ZNF480: variants seen among roughly 807,000 people sequenced by gnomAD.
The protein encoded by ZNF480 is zinc finger protein 480.
In ZNF480, 15 loss-of-function variants were observed where a neutral mutation model predicts 14.4. The ratio of observed to expected loss-of-function variants is 1.04; its 90% CI spans 0.70 to 1.60. ZNF480 has a LOEUF of 1.60. Ranked by LOEUF, ZNF480 falls within the 40% of genes most tolerant of loss-of-function variation. The probability of loss-of-function intolerance (pLI) is 0.00; values close to 1 mark genes in which losing one functional copy is unlikely to be tolerated. For missense variants in ZNF480, 593 were observed against 629.7 expected (o/e 0.94, Z 0.62); for synonymous variants, 218 against 215.5 (o/e 1.01, Z -0.10).
At chr19:52,303,150 G>T (rs1333240935) in intron 2 of ZNF480, among the ~76,000 whole-genome samples, 1 of 152,178 alleles carries the variant, frequency 6.6e-6, no homozygotes, top group Non-Finnish European at 1.5e-5. Context: ...TACAAGCTCC[G>T]ATTTTTGAGC....
chr19:52,297,302 C>A, intron 1 of ZNF480, 79 bp downstream of exon 1: 2 of 425,144 alleles, frequency 4.7e-6, no homozygotes, highest in South Asian at 3.3e-5. Context: ...AGGGGCCACA[C>A]AGACCTTGAA....
chr19:52,314,230 T>G lies in ZNF480; in HGVS notation c.150T>G (p.Ala50=), dbSNP rs150579838. The G allele has an allele frequency of 6.3e-7, 1 of 1,582,878 alleles. No individual in the cohort carries two copies. Among genetic ancestry groups the G allele is most frequent in the Non-Finnish European group, 8.6e-7 (1 of 1,160,404 alleles). ...AATGCCTGGACCCTGCACAGAGGGC[T>G]TTATACAAGGATGTGATGTTGGAGA... ...EWKCLDPAQR[A]LYKDVMLENY... is the part of the protein sequence containing the mutation. Residue 50 remains alanine (A), a synonymous_variant, in exon 3 of 5, where the codon GCT becomes GCG. Transcript: ENST00000595962.
In ZNF480 at chr19:52,324,764, G is replaced by A. The variant is rs141654382; in HGVS notation, c.*1906G>A. ...TTGAAACTGGACCCCTATCCTTCAC[G>A]ATATACAAAAATCAACTCAAGATGG... On this transcript the variant is annotated 3_prime_UTR_variant, in exon 5 of 5. Coordinates refer to ENST00000595962, the MANE Select transcript of ZNF480 (RefSeq NM_144684.4). 1 of 151,904 alleles carries A rather than the reference G, an allele frequency of 6.6e-6. No individual in the cohort carries two copies. The highest frequency in any genetic ancestry group is 2.1e-4 in the South Asian group (1 of 4,822). The allele number at this position is 151,904 out of a possible 1,614,324, so 9.4% of individuals were successfully genotyped here.
At position 52,314,286 on chromosome 19, in the gene ZNF480, A is replaced by G. The variant is rs779443199; in HGVS notation, c.199+7A>G. On this transcript the variant is annotated splice_region_variant and intron_variant, in intron 3 of 4. Transcript: ENST00000595962. ...AGGAACCTGGTCTCCCTGGGTGAGG[A>G]TCATGCCCCTGCAGAAGCCGGGATC... The G allele has an allele frequency of 6.5e-7, 1 of 1,532,634 alleles. No homozygotes were observed. Among genetic ancestry groups the G allele is most frequent in the Non-Finnish European group, 8.8e-7 (1 of 1,134,006 alleles). The allele number at this position is 1,532,634 out of a possible 1,614,324, so 94.9% of individuals were successfully genotyped here.
chr19:52,325,910 G>A lies in ZNF480; in HGVS notation c.*3052G>A, dbSNP rs1162200431. On this transcript the variant is annotated 3_prime_UTR_variant, in exon 5 of 5. Coordinates refer to ENST00000595962, the MANE Select transcript of ZNF480 (RefSeq NM_144684.4). ...ACTCCTTGAACCTAAAATAAAACATGAAAAAAAGCAAATTTCACACCTTGT... is the reference window on the plus strand; with the variant it reads ...ACTCCTTGAACCTAAAATAAAACATAAAAAAAAGCAAATTTCACACCTTGT... 5 of 152,152 alleles carry A rather than the reference G, an allele frequency of 3.3e-5. No homozygotes were observed. The highest frequency in any genetic ancestry group is 3.9e-4 in the East Asian group (2 of 5,182). The allele number at this position is 152,152 out of a possible 1,614,324, so 9.4% of individuals were successfully genotyped here. A position where few individuals can be genotyped will look rare whatever the true frequency, so the allele number is the denominator to read the frequency against.
chr19:52,311,931 A>T (rs1339131789), intron 2 of ZNF480, among the ~76,000 whole-genome samples: 1 of 152,194 alleles, frequency 6.6e-6, no homozygotes, highest in Non-Finnish European at 1.5e-5. Context: ...CTAAGTGTAC[A>T]TATATATAAG....
At chr19:52,307,663 CAGT>C (rs1443759616) in intron 2 of ZNF480, 1 of 100,894 alleles carries the variant, frequency 9.9e-6, no homozygotes, top group African/African-American at 3.1e-5. Flanking sequence ...GACAGCAAGC[CAGT>C]GATAAGCATT....
At chr19:52,298,468 A>G (rs988060886) in intron 1 of ZNF480, among the ~76,000 whole-genome samples, 2 of 152,162 alleles carry the variant, frequency 1.3e-5, no homozygotes, top group Non-Finnish European at 2.9e-5. Flanking sequence ...CCCCATCTCT[A>G]CTAAAAATGC....
At position 52,300,405 on chromosome 19, in the gene ZNF480, A is replaced by T. The variant is rs1982628157; in HGVS notation, c.-8A>T. 1.3e-5 allele frequency: 21 copies of T among 1,556,896 alleles called. No individual in the cohort carries two copies. The highest frequency in any genetic ancestry group is 2.9e-5 in the African/African-American group (2 of 68,774). On this transcript the variant is annotated 5_prime_UTR_variant, in exon 2 of 5. Transcript: ENST00000595962. ...TTTTTGACATTTAGGATTGACTTCT[A>T]AAGAGTCATGCTGTGTGATGAAAAA... is the stretch of plus-strand genomic sequence containing the variant.
Position 52,322,645 on chromosome 19 carries a change from A to T in ZNF480, c.1395A>T (p.Arg465Ser). The T allele has an allele frequency of 6.2e-7, 1 of 1,613,850 alleles. No homozygotes were observed. Among genetic ancestry groups the T allele is most frequent in the South Asian group, 1.1e-5 (1 of 91,068 alleles). ...GTAGTGAATGTGGCAAGGCATTCAG[A>T]CACAAGTTATCACTAACCAATCATC... is the stretch of plus-strand genomic sequence containing the variant. ...YKCSECGKAF[R>S]HKLSLTNHQR... Residue 465 changes from arginine (R) to serine (S), a missense_variant, in exon 5 of 5, where the codon AGA becomes AGT. Coordinates refer to ENST00000595962, the MANE Select transcript of ZNF480 (RefSeq NM_144684.4).
chr19:52,301,628 T>C (rs1484883273), intron 2 of ZNF480: 4 of 152,290 alleles, frequency 2.6e-5, no homozygotes, highest in African/African-American at 9.6e-5. Context: ...CACTGCAAAG[T>C]AGAATTTTTC....
intron 1 of ZNF480, 100 bp from the exon 2 acceptor site, chr19:52,300,294 C>G: frequency 7.9e-7 from 1 of 1,265,272 alleles, no homozygotes; most frequent in Non-Finnish European, 1.1e-6. Context: ...CAGCAGAGGA[C>G]ATCTTTCCGC....
chr19:52,309,586 T>A (rs554174550), intron 2 of ZNF480, among the ~76,000 whole-genome samples: 8 of 152,334 alleles, frequency 5.3e-5, no homozygotes, highest in African/African-American at 1.9e-4. Context: ...TGGATAGACA[T>A]TCCCATTGTT....
At position 52,324,399 on chromosome 19, in the gene ZNF480, C is replaced by T. The variant is rs1158558845; in HGVS notation, c.*1541C>T. 6.6e-6 allele frequency: 1 copy of T among 152,140 alleles called. No individual in the cohort carries two copies. Among genetic ancestry groups the T allele is most frequent in the Non-Finnish European group, 1.5e-5 (1 of 68,016 alleles). The allele number at this position is 152,140 out of a possible 1,614,324, so 9.4% of individuals were successfully genotyped here. On this transcript the variant is annotated 3_prime_UTR_variant, in exon 5 of 5. Coordinates refer to ENST00000595962, the MANE Select transcript of ZNF480 (RefSeq NM_144684.4). ...CAGAGCCAATGCTATTTCTATCAAA[C>T]TACCAATGGCATTTTTCACAGAATC...
At chr19:52,316,219 TCTTC>T (rs1983551015) in intron 4 of ZNF480, among the ~76,000 whole-genome samples, 1 of 149,836 alleles carries the variant, frequency 6.7e-6, no homozygotes, top group Non-Finnish European at 1.5e-5. Flanking sequence ...TTTCTTTCTT[TCTTC>T]CTTTCTTCCT....
At chr19:52,320,920 G>T (rs1983779721) in intron 4 of ZNF480, among the ~76,000 whole-genome samples, 1 of 152,150 alleles carries the variant, frequency 6.6e-6, no homozygotes, top group Non-Finnish European at 1.5e-5. Context: ...AGATGCTGCA[G>T]TGAGCTACAC....
At chr19:52,314,596 G>A (rs1983463053) in intron 3 of ZNF480, among the ~76,000 whole-genome samples, 2 of 151,558 alleles carry the variant, frequency 1.3e-5, no homozygotes, top group Admixed American at 1.3e-4. Flanking sequence ...TTGAGGTCAG[G>A]AGTTTGAGAC....
chr19:52,297,197 CGTGGA>C lies in ZNF480; in HGVS notation c.-42_-38del. 2.3e-6 allele frequency: 1 copy of C among 432,840 alleles called. No homozygotes were observed. The highest frequency in any genetic ancestry group is 4.6e-6 in the Non-Finnish European group (1 of 216,248). 26.8% of individuals were successfully genotyped at this position (432,840 alleles called of 1,614,324 possible). A position where few individuals can be genotyped will look rare whatever the true frequency, so the allele number is the denominator to read the frequency against. ...TTCCCACAAACCCGGAAGCGGATCG[CGTGGA>C]GTGAAGGTCACGCCGCGGCGCGTGA... On this transcript the variant is annotated 5_prime_UTR_variant, in exon 1 of 5. Transcript: ENST00000595962.
intron 3 of ZNF480, 130 bp from the exon 4 acceptor site, chr19:52,315,704 G>A: frequency 1.9e-6 from 2 of 1,063,134 alleles, no homozygotes; most frequent in Admixed American, 2.5e-5. Context: ...CATTCAGAAG[G>A]AGGCAGTCTA....
Sources: allele counts gnomAD v4.1 joint callset (sites outside exome capture counted in the v4.1 genomes callset), GRCh38; gene constraint gnomAD v4.1.1; transcripts MANE v1.5; gene names NCBI Gene and HGNC (gene_info 2026-07-23, HGNC 2026-07-21).